MAGI2: variants seen among roughly 807,000 people sequenced by gnomAD.
MAGI2 encodes membrane associated guanylate kinase, WW and PDZ domain containing 2.
In MAGI2, 35 loss-of-function variants were observed where a neutral mutation model predicts 133.3. That is an observed-to-expected ratio of 0.26 (90% CI 0.20 to 0.35). MAGI2 has a LOEUF of 0.35. Among genes scored for constraint, MAGI2 ranks in the 10% least tolerant of loss-of-function variants. The pLI, the probability that MAGI2 is intolerant of heterozygous loss-of-function variation, is 1.00. For synonymous variants in MAGI2, 729 were observed against 710.6 expected, an observed-to-expected ratio of 1.03 and a Z score of -0.41; for missense variants, 1,636 against 1,863.4, an observed-to-expected ratio of 0.88 and a Z score of 2.25.
At chr7:78,192,724 G>C (rs1278167973) in intron 12 of MAGI2, among the ~76,000 whole-genome samples, 1 of 152,114 alleles carries the variant, frequency 6.6e-6, no homozygotes, top group East Asian at 1.9e-4. Context: ...GAAAAGAGAA[G>C]GATAGGAAAG....
intron 21 of MAGI2, among the ~76,000 whole-genome samples, chr7:78,066,687 C>G (rs182288590): frequency 6.6e-6 from 1 of 152,222 alleles, no homozygotes; most frequent in African/African-American, 2.4e-5. Context: ...ACTAGAAATT[C>G]TGGAATATCT....
chr7:78,618,765 GCA>G (rs1280623405), intron 3 of MAGI2: 1 of 151,662 alleles, frequency 6.6e-6, no homozygotes, highest in Non-Finnish European at 1.5e-5. Flanking sequence ...TTTAAGCCAG[GCA>G]CAGAGAGACA....
chr7:78,314,880 TG>T (rs1787240646), intron 9 of MAGI2, among the ~76,000 whole-genome samples: 1 of 152,224 alleles, frequency 6.6e-6, no homozygotes, highest in Non-Finnish European at 1.5e-5. Context: ...CAATTGATTG[TG>T]GTTGTTTCTA....
chr7:78,545,687 G>A (rs909352215), intron 3 of MAGI2, among the ~76,000 whole-genome samples: 1 of 152,114 alleles, frequency 6.6e-6, no homozygotes, highest in Non-Finnish European at 1.5e-5. Context: ...TGCTAAACTT[G>A]TAACCACAAC....
chr7:78,626,134 T>A (rs1239842350), intron 3 of MAGI2, among the ~76,000 whole-genome samples: 2 of 152,206 alleles, frequency 1.3e-5, no homozygotes, highest in Non-Finnish European at 2.9e-5. Flanking sequence ...TCATGAATTT[T>A]GTTTTTAATA....
intron 1 of MAGI2, among the ~76,000 whole-genome samples, chr7:79,086,858 A>G (rs1409547338): frequency 1.3e-5 from 2 of 151,870 alleles, no homozygotes; most frequent in African/African-American, 4.8e-5. Flanking sequence ...CTGCTGCTAG[A>G]TAAGGGGAAG....
chr7:79,339,239 A>G (rs1840706623), intron 1 of MAGI2, among the ~76,000 whole-genome samples: 2 of 152,008 alleles, frequency 1.3e-5, no homozygotes, highest in South Asian at 4.1e-4. Context: ...AAACATTTCT[A>G]TTTTTAGCTA....
intron 1 of MAGI2, among the ~76,000 whole-genome samples, chr7:79,427,196 G>A (rs1847438441): frequency 6.6e-6 from 1 of 151,928 alleles, no homozygotes; most frequent in Non-Finnish European, 1.5e-5. Context: ...GTAAGGAAAG[G>A]GACTAAGAAG....
chr7:78,858,708 C>T (rs2151495263), intron 2 of MAGI2, among the ~76,000 whole-genome samples: 1 of 152,282 alleles, frequency 6.6e-6, no homozygotes, highest in South Asian at 2.1e-4. Context: ...TTATGTGGTA[C>T]TAAGAAGAAT....
At chr7:78,253,977 G>A (rs1360013319) in intron 10 of MAGI2, 1 of 152,096 alleles carries the variant, frequency 6.6e-6, no homozygotes, top group Non-Finnish European at 1.5e-5. Context: ...TAAATTGTGG[G>A]AATTAGGGTA....
At chr7:79,114,928 T>C (rs1819259425) in intron 1 of MAGI2, among the ~76,000 whole-genome samples, 1 of 152,184 alleles carries the variant, frequency 6.6e-6, no homozygotes, top group Admixed American at 6.5e-5. Context: ...GTTTTGTTGA[T>C]ATATGGGTCT....
chr7:79,062,118 A>G (rs1813808460), intron 1 of MAGI2, among the ~76,000 whole-genome samples: 2 of 152,120 alleles, frequency 1.3e-5, no homozygotes, highest in Non-Finnish European at 2.9e-5. Flanking sequence ...ATACATATCT[A>G]GGCCAAACTA....
chr7:79,433,160 A>G (rs1847889772), intron 1 of MAGI2, among the ~76,000 whole-genome samples: 1 of 152,188 alleles, frequency 6.6e-6, no homozygotes. Flanking sequence ...GATACATGAA[A>G]GAAACAAATA....
intron 2 of MAGI2, among the ~76,000 whole-genome samples, chr7:78,685,599 C>T (rs1816202747): frequency 6.6e-6 from 1 of 151,504 alleles, no homozygotes; most frequent in Admixed American, 6.6e-5. Context: ...AAAAAGCACA[C>T]GTGGTTCCTT....
chr7:79,083,385 T>G (rs952234024), intron 1 of MAGI2, among the ~76,000 whole-genome samples: 1 of 151,306 alleles, frequency 6.6e-6, no homozygotes, highest in Non-Finnish European at 1.5e-5. Context: ...AGTTGGGACA[T>G]TAGATGGTGT....
In MAGI2 at chr7:79,145,388, A is replaced by C. The variant is rs185661968; in HGVS notation, c.302-138182T>G. Among the ~76,000 whole-genome samples the C allele has an allele frequency of 1.8e-4, 27 of 152,290 alleles. No homozygotes were observed. In the East Asian group the frequency reaches 5.2e-3, roughly 29 times the overall value. On this transcript the variant is annotated intron_variant, in intron 1 of 21. Transcript: ENST00000354212. ...GTTCGATAGAGCACAGGAGTCCCTA[A>C]AATAATAGTCTGTTGATTTGGTCTC...
chr7:78,489,719 C>A (rs1179214698), intron 6 of MAGI2, 42 bp downstream of exon 6: 18 of 1,436,370 alleles, frequency 1.3e-5, no homozygotes, highest in Non-Finnish European at 1.6e-5. Flanking sequence ...CAAACATTCT[C>A]AAAGCACATT....
At chr7:78,736,050 C>T (rs1038252830) in intron 2 of MAGI2, among the ~76,000 whole-genome samples, 15 of 152,032 alleles carry the variant, frequency 9.9e-5, no homozygotes, top group South Asian at 2.1e-4. Flanking sequence ...AGGAAGAAGA[C>T]GTGAAATATT....
chr7:78,553,820 G>C (rs1199983508), intron 3 of MAGI2, among the ~76,000 whole-genome samples: 1 of 152,164 alleles, frequency 6.6e-6, no homozygotes, highest in African/African-American at 2.4e-5. Context: ...AATTGTGTCT[G>C]CTATGACACA....
Sources: gnomAD v4.1 joint callset for allele counts (sites outside exome capture counted in the v4.1 genomes callset) on GRCh38, gnomAD v4.1.1 for gene constraint, MANE v1.5 for transcripts, NCBI Gene and HGNC (gene_info 2026-07-23, HGNC 2026-07-21) for gene names.